PRKAG2: variants seen among roughly 807,000 people sequenced by gnomAD.
PRKAG2 encodes the protein 5'-AMP-activated protein kinase subunit gamma-2.
Under a neutral mutation model 69.6 loss-of-function variants are expected in PRKAG2, and 26 were observed. That is an observed-to-expected ratio of 0.37 (90% CI 0.27 to 0.52). The LOEUF is 0.52. Ranked by LOEUF, PRKAG2 falls within the 20% of genes least tolerant of loss-of-function variation. PRKAG2 has a pLI of 0.90. For missense variants in PRKAG2, 557 were observed against 740.0 expected (o/e 0.75, Z 2.87); for synonymous variants, 293 against 285.0 (o/e 1.03, Z -0.28).
intron 2 of PRKAG2, among the ~76,000 whole-genome samples, chr7:151,782,424 G>GGAAA (rs368316793): frequency 2.3e-5 from 3 of 127,974 alleles, no homozygotes; most frequent in African/African-American, 9.3e-5. Context: ...AAGGAAGGAA[G>GGAAA]GAAAGAAAGA....
Position 151,807,048 on chromosome 7 carries a change from A to T in PRKAG2, c.115-20507T>A, listed in dbSNP as rs1383183383. The T allele has an allele frequency of 4.5e-6, 2 of 443,862 alleles. No individual in the cohort carries two copies. The highest frequency in any genetic ancestry group is 9.0e-6 in the Non-Finnish European group (2 of 222,286). 27.5% of individuals were successfully genotyped at this position (443,862 alleles called of 1,614,324 possible). On this transcript the variant is annotated intron_variant, in intron 1 of 15. Transcript: ENST00000287878. The surrounding 1 kb of genome is among the most constrained non-coding windows in gnomAD (Gnocchi z 4.4). Reference sequence around the variant, plus strand: ...TGGGATACACAAAGGTAAGACATGGACCCACCCTCAAGTCTGAAGGTGGAG... The same window carrying T: ...TGGGATACACAAAGGTAAGACATGGTCCCACCCTCAAGTCTGAAGGTGGAG...
intron 1 of PRKAG2, among the ~76,000 whole-genome samples, chr7:151,801,475 C>G (rs1036676000): frequency 6.6e-6 from 1 of 152,182 alleles, no homozygotes; most frequent in African/African-American, 2.4e-5. Flanking sequence ...GGCCAGGGAC[C>G]AGCTGCAGGC....
intron 3 of PRKAG2, among the ~76,000 whole-genome samples, chr7:151,727,430 G>A (rs746805865): frequency 1.3e-5 from 2 of 152,142 alleles, no homozygotes; most frequent in Non-Finnish European, 2.9e-5. Context: ...GAGCCCCGTG[G>A]GGAGGAAGGC....
At chr7:151,823,143 C>A (rs2078830414) in intron 1 of PRKAG2, among the ~76,000 whole-genome samples, 2 of 151,396 alleles carry the variant, frequency 1.3e-5, no homozygotes, top group Non-Finnish European at 1.5e-5. Flanking sequence ...CCAGGCGTGG[C>A]CCCTCTCAGC....
chr7:151,824,394 G>A (rs1158523995), intron 1 of PRKAG2, among the ~76,000 whole-genome samples: 4 of 152,190 alleles, frequency 2.6e-5, no homozygotes, highest in Non-Finnish European at 5.9e-5. Context: ...TTAACATCAA[G>A]GTTTGTGGAA....
intron 5 of PRKAG2, chr7:151,631,682 T>A (rs1554507298): frequency 2.2e-6 from 1 of 457,886 alleles, no homozygotes; most frequent in Non-Finnish European, 4.4e-6. Flanking sequence ...AGTCTATGAT[T>A]AAAGGGTCTG....
chr7:151,594,699 G>A (rs531768003), intron 6 of PRKAG2, among the ~76,000 whole-genome samples: 32 of 152,146 alleles, frequency 2.1e-4, no homozygotes, highest in Non-Finnish European at 3.5e-4. Flanking sequence ...GAACAGCTTA[G>A]GTTCTAACAC....
intron 1 of PRKAG2, among the ~76,000 whole-genome samples, chr7:151,857,516 G>A (rs568295097): frequency 1.1e-4 from 17 of 152,262 alleles, no homozygotes; most frequent in African/African-American, 3.4e-4. Flanking sequence ...GCTGCCTTCC[G>A]GCACCATCTG....
intron 1 of PRKAG2, among the ~76,000 whole-genome samples, chr7:151,794,805 C>T (rs749995719): frequency 2.6e-5 from 4 of 152,274 alleles, no homozygotes; most frequent in Non-Finnish European, 4.4e-5. Context: ...ATGGCCGCTG[C>T]CAGAGTCTCC....
At chr7:151,660,744 G>A (rs532158767) in intron 4 of PRKAG2, among the ~76,000 whole-genome samples, 41 of 152,310 alleles carry the variant, frequency 2.7e-4, no homozygotes, top group Middle Eastern at 6.8e-3. Context: ...GTCCATTTCT[G>A]TATTTGTGTA....
chr7:151,559,252 AT>A, intron 15 of PRKAG2: 1 of 974,666 alleles, frequency 1.0e-6, no homozygotes, highest in Non-Finnish European at 1.2e-6. Context: ...CCTGTATCGT[AT>A]TCCATCGAAT....
At chr7:151,694,596 G>A (rs555031106) in intron 3 of PRKAG2, among the ~76,000 whole-genome samples, 33 of 152,268 alleles carry the variant, frequency 2.2e-4, no homozygotes, top group African/African-American at 7.9e-4. Flanking sequence ...TGCCCTCAAG[G>A]TTCATCCACA....
At chr7:151,851,502 A>G (rs1009912963) in intron 1 of PRKAG2, among the ~76,000 whole-genome samples, 3 of 152,196 alleles carry the variant, frequency 2.0e-5, no homozygotes, top group African/African-American at 7.2e-5. Flanking sequence ...TGGAGTCGCA[A>G]TGGCCAGTGT....
intron 15 of PRKAG2, chr7:151,557,861 A>C (rs1584896385): frequency 1.1e-6 from 1 of 945,280 alleles, no homozygotes; most frequent in African/African-American, 1.8e-5. Context: ...GACAAGAGTG[A>C]AACTCCGTCT....
chr7:151,707,568 G>C (rs553167675), intron 3 of PRKAG2, among the ~76,000 whole-genome samples: 1 of 152,054 alleles, frequency 6.6e-6, no homozygotes, highest in Non-Finnish European at 1.5e-5. Flanking sequence ...TCTCTGGCTC[G>C]CACCCATCAC....
At chr7:151,627,169 C>T (rs959032409) in intron 5 of PRKAG2, among the ~76,000 whole-genome samples, 5 of 152,298 alleles carry the variant, frequency 3.3e-5, no homozygotes, top group Non-Finnish European at 7.3e-5. Context: ...CCGGAGAGGC[C>T]TCACGGGTTG....
At chr7:151,633,516 A>G (rs1825185763) in intron 4 of PRKAG2, among the ~76,000 whole-genome samples, 1 of 151,988 alleles carries the variant, frequency 6.6e-6, no homozygotes, top group African/African-American at 2.4e-5. Flanking sequence ...AGAATCTACA[A>G]AAGAAAGAAA....
intron 3 of PRKAG2, among the ~76,000 whole-genome samples, chr7:151,762,066 T>C (rs1036727895): frequency 3.9e-5 from 6 of 152,248 alleles, no homozygotes; most frequent in Non-Finnish European, 7.3e-5. Flanking sequence ...AACCAGGTTC[T>C]GCTATGAAGA....
intron 3 of PRKAG2, among the ~76,000 whole-genome samples, chr7:151,763,099 G>A (rs1442553333): frequency 3.9e-5 from 6 of 152,278 alleles, no homozygotes; most frequent in South Asian, 2.1e-4. Context: ...AGAACCAACT[G>A]AAAACGTCCA....
Sources: gnomAD v4.1 joint callset for allele counts (sites outside exome capture counted in the v4.1 genomes callset) on GRCh38, gnomAD v4.1.1 for gene constraint, Gnocchi (gnomAD v3.1) non-coding constraint, MANE v1.5 for transcripts, NCBI Gene and HGNC (gene_info 2026-07-23, HGNC 2026-07-21) for gene names.